The following ARHGAP32 variants were observed in gnomAD, a reference collection of about 807,000 sequenced individuals.
ARHGAP32 encodes rho GTPase-activating protein 32.
Under a neutral mutation model 186.5 loss-of-function variants are expected in ARHGAP32, and 51 were observed. That is an observed-to-expected ratio of 0.27 (90% CI 0.22 to 0.35). The LOEUF (loss-of-function observed/expected upper bound fraction) is 0.35. Ranked by LOEUF, ARHGAP32 falls within the 10% of genes least tolerant of loss-of-function variation. The pLI is 1.00. For synonymous variants in ARHGAP32, 950 were observed against 964.3 expected (o/e 0.99, Z 0.27); for missense variants, 2,186 against 2,623.5 (o/e 0.83, Z 3.64).
chr11:129,122,266 T>C (rs1374077910), intron 5 of ARHGAP32, among the ~76,000 whole-genome samples: 1 of 152,050 alleles, frequency 6.6e-6, no homozygotes, highest in Non-Finnish European at 1.5e-5. Context: ...TCCTATTTCT[T>C]TTCAATTTGC....
intron 17 of ARHGAP32, 85 bp from the exon 18 acceptor site, chr11:128,980,833 C>T (rs1330283550): frequency 9.6e-7 from 1 of 1,043,786 alleles, no homozygotes; most frequent in Non-Finnish European, 1.4e-6. Flanking sequence ...CATCTATCTA[C>T]CTATCTGTTG....
intron 1 of ARHGAP32, among the ~76,000 whole-genome samples, chr11:129,267,934 G>A (rs557364877): frequency 3.9e-5 from 6 of 151,980 alleles, no homozygotes; most frequent in African/African-American, 1.2e-4. Context: ...GGGAACTAAC[G>A]GAGGGACAGC....
intron 20 of ARHGAP32, among the ~76,000 whole-genome samples, 159 bp from the exon 21 acceptor site, chr11:128,975,161 T>TAC (rs1945507036): frequency 6.6e-6 from 1 of 152,230 alleles, no homozygotes; most frequent in African/African-American, 2.4e-5. Flanking sequence ...ACAGATCATT[T>TAC]ACACTTGAGA....
chr11:129,093,534 G>T, intron 6 of ARHGAP32, 87 bp downstream of exon 6: 1 of 907,858 alleles, frequency 1.1e-6, no homozygotes, highest in Non-Finnish European at 1.8e-6. Context: ...TATCCTTTAG[G>T]CAAATCACGT....
intron 1 of ARHGAP32, among the ~76,000 whole-genome samples, chr11:129,215,131 G>A (rs775404903): frequency 1.3e-5 from 2 of 152,060 alleles, no homozygotes; most frequent in Non-Finnish European, 2.9e-5. Context: ...AGTAACTCAC[G>A]TGCTGCTATT....
At chr11:129,090,288 T>C (rs1461415426) in intron 6 of ARHGAP32, among the ~76,000 whole-genome samples, 2 of 152,198 alleles carry the variant, frequency 1.3e-5, no homozygotes, top group African/African-American at 4.8e-5. Flanking sequence ...ATTTCAAGCA[T>C]GAGAACATTA....
At chr11:129,105,459 G>A (rs567349340) in intron 5 of ARHGAP32, among the ~76,000 whole-genome samples, 6 of 152,226 alleles carry the variant, frequency 3.9e-5, no homozygotes, top group Middle Eastern at 3.4e-3. Context: ...CGTAAAGACC[G>A]GAGAAAGTGG....
chr11:129,162,486 G>A (rs1285867533), intron 2 of ARHGAP32, among the ~76,000 whole-genome samples: 1 of 152,112 alleles, frequency 6.6e-6, no homozygotes, highest in Non-Finnish European at 1.5e-5. Flanking sequence ...TGAAATGACT[G>A]AAGAATTAGC....
chr11:129,245,330 T>C (rs1591716259), intron 1 of ARHGAP32, among the ~76,000 whole-genome samples: 1 of 149,390 alleles, frequency 6.7e-6, no homozygotes, highest in African/African-American at 2.5e-5. Context: ...ATCATCATTC[T>C]CAGTAAACTA....
chr11:129,150,953 C>T (rs1943273618), intron 2 of ARHGAP32, among the ~76,000 whole-genome samples: 1 of 150,026 alleles, frequency 6.7e-6, no homozygotes, highest in African/African-American at 2.5e-5. Flanking sequence ...AAAAAAATTC[C>T]ACCAACCGAT....
chr11:128,996,706 A>G (rs1204011601), intron 12 of ARHGAP32, among the ~76,000 whole-genome samples: 4 of 152,200 alleles, frequency 2.6e-5, no homozygotes, highest in Non-Finnish European at 5.9e-5. Flanking sequence ...TCTTATGTAC[A>G]GTAAGAACTA....
Position 128,969,829 on chromosome 11 carries a change from T to C in ARHGAP32, c.5384A>G (p.Gln1795Arg). 1.2e-6 allele frequency: 2 copies of C among 1,614,216 alleles called. No individual in the cohort carries two copies. The highest frequency in any genetic ancestry group is 1.7e-6 in the Non-Finnish European group (2 of 1,180,046). The change falls in exon 23 of 23, where the codon CAG becomes CGG. Residue 1795 changes from glutamine to arginine, a missense_variant. Around this residue, in one of 5 missense-constraint regions of ARHGAP32, gnomAD observed 1,502 missense variants for 1,570.0 expected, o/e 0.96. Coordinates refer to ENST00000682385, the MANE Select transcript of ARHGAP32 (RefSeq NM_001378024.1). This position sits in a 1 kb window ranked among gnomAD's most constrained non-coding sequence, Gnocchi z 4.8. ...SQYDNMTPAV[Q>R]DDLGGIYVIH... ...GACATAGATCCCACCCAAGTCGTCC[T>C]GCACCGCCGGGGTCATGTTATCATA...
chr11:129,086,106 T>C (rs1299374081), intron 6 of ARHGAP32, among the ~76,000 whole-genome samples: 5 of 149,558 alleles, frequency 3.3e-5, no homozygotes, highest in Non-Finnish European at 5.9e-5. Flanking sequence ...TGGAGCAGAA[T>C]AGAGAGCCCA....
intron 12 of ARHGAP32, among the ~76,000 whole-genome samples, chr11:128,989,531 C>T (rs1490109801): frequency 6.6e-6 from 1 of 151,212 alleles, no homozygotes; most frequent in African/African-American, 2.4e-5. Context: ...CACACACACA[C>T]ACACACACAC....
chr11:129,039,764 T>C (rs1249515689), intron 11 of ARHGAP32, among the ~76,000 whole-genome samples: 1 of 152,202 alleles, frequency 6.6e-6, no homozygotes, highest in Admixed American at 6.5e-5. Context: ...GCCGTATTTT[T>C]AAAAAGAATG....
intron 2 of ARHGAP32, among the ~76,000 whole-genome samples, chr11:129,140,383 C>T (rs1334680619): frequency 6.6e-6 from 1 of 152,166 alleles, no homozygotes; most frequent in East Asian, 1.9e-4. Context: ...TTCTAACATG[C>T]AGAACTGTGA....
chr11:129,072,855 A>G (rs1436311505), intron 6 of ARHGAP32, among the ~76,000 whole-genome samples: 3 of 152,156 alleles, frequency 2.0e-5, no homozygotes, highest in Non-Finnish European at 4.4e-5. Flanking sequence ...CCCAAACACT[A>G]TGTTTTCAAC....
chr11:129,066,978 T>C (rs1422760218), intron 6 of ARHGAP32, 110 bp from the exon 7 acceptor site: 2 of 957,516 alleles, frequency 2.1e-6, no homozygotes, highest in Non-Finnish European at 3.0e-6. Flanking sequence ...TATTTTCTAA[T>C]GAGAAGTTTC....
At chr11:129,237,071 A>G (rs1944946288) in intron 1 of ARHGAP32, among the ~76,000 whole-genome samples, 1 of 152,162 alleles carries the variant, frequency 6.6e-6, no homozygotes, top group South Asian at 2.1e-4. Flanking sequence ...AAGTATGTTA[A>G]ACCATCCCTG....
Sources: allele counts gnomAD v4.1 joint callset (sites outside exome capture counted in the v4.1 genomes callset), GRCh38; gene constraint gnomAD v4.1.1; regional missense constraint gnomAD v4.1.1; non-coding constraint Gnocchi (gnomAD v3.1); transcripts MANE v1.5; gene names NCBI Gene and HGNC (gene_info 2026-07-23, HGNC 2026-07-21).